The following PRKN variants were observed in gnomAD, a reference collection of about 807,000 sequenced individuals.
The protein encoded by PRKN is E3 ubiquitin-protein ligase parkin.
In PRKN, 56 loss-of-function variants were observed where a neutral mutation model predicts 59.5. That is an observed-to-expected ratio of 0.94 (90% CI 0.76 to 1.18). PRKN has a LOEUF of 1.18. PRKN is among the 50% of genes most tolerant of loss of function. PRKN has a pLI of 0.00. For missense variants in PRKN, 657 were observed against 596.4 expected, an observed-to-expected ratio of 1.10 and a Z score of -1.06; for synonymous variants, 250 against 222.1, an observed-to-expected ratio of 1.13 and a Z score of -1.12.
rs532797981 is a variant in PRKN at position 162,238,331 on chromosome 6, G to A, written c.412+24194C>T. On this transcript the variant is annotated intron_variant, in intron 3 of 11. Transcript: ENST00000366898. Reference sequence around the variant, plus strand: ...AGGCTACACCGTACAGCCCAGGTGTGCAGTAGGCTATACCATCTAGATTTG... The same window carrying A: ...AGGCTACACCGTACAGCCCAGGTGTACAGTAGGCTATACCATCTAGATTTG... Among the ~76,000 whole-genome samples the A allele has an allele frequency of 5.3e-5, 8 of 152,276 alleles. 1 individual carries two copies. The East Asian group carries it at 1.5e-3, about 29-fold the overall frequency.
In PRKN at chr6:162,660,854, A is replaced by G. The variant is rs570009393; in HGVS notation, c.7+66808T>C. Among the ~76,000 whole-genome samples the G allele has an allele frequency of 2.3e-4, 35 of 152,320 alleles. 1 individual carries two copies. In the South Asian group the frequency reaches 4.6e-3, roughly 20 times the overall value. On this transcript the variant is annotated intron_variant, in intron 1 of 11. Coordinates refer to ENST00000366898, the MANE Select transcript of PRKN (RefSeq NM_004562.3). ...TCTTTCTACTGTATTCAACTTGTGT[A>G]GGAGAGTTCAAGTTCCTGGGCTGGG...
intron 9 of PRKN, among the ~76,000 whole-genome samples, chr6:161,482,059 A>C (rs538959263): frequency 6.6e-6 from 1 of 152,330 alleles, no homozygotes; most frequent in East Asian, 1.9e-4. Context: ...TGATGAATTC[A>C]GCAGTCACTT....
chr6:161,986,110 A>G (rs1285769981), intron 5 of PRKN, among the ~76,000 whole-genome samples: 2 of 152,272 alleles, frequency 1.3e-5, no homozygotes, highest in African/African-American at 2.4e-5. Context: ...AGCCCTTTCC[A>G]TGGCAATGAC....
At chr6:161,922,720 CT>C (rs1778830049) in intron 6 of PRKN, among the ~76,000 whole-genome samples, 1 of 152,192 alleles carries the variant, frequency 6.6e-6, no homozygotes, top group Admixed American at 6.5e-5. Context: ...GTAATGAGAT[CT>C]GAATTCTGGA....
At chr6:162,393,777 C>T (rs1787339604) in intron 2 of PRKN, among the ~76,000 whole-genome samples, 1 of 152,146 alleles carries the variant, frequency 6.6e-6, no homozygotes, top group South Asian at 2.1e-4. Context: ...CATCATAACT[C>T]TCACCGGTTT....
At chr6:162,280,753 C>T (rs144138425) in intron 2 of PRKN, among the ~76,000 whole-genome samples, 119 of 143,182 alleles carry the variant, frequency 8.3e-4, no homozygotes, top group African/African-American at 2.7e-3. Flanking sequence ...GTGGAGATGA[C>T]GCCACTGTAT....
chr6:161,863,953 T>C (rs930488880), intron 6 of PRKN, among the ~76,000 whole-genome samples: 3 of 152,216 alleles, frequency 2.0e-5, no homozygotes, highest in Non-Finnish European at 4.4e-5. Flanking sequence ...ACTATTTTAT[T>C]GCTAAAAATG....
chr6:162,687,847 A>C (rs1260653748), intron 1 of PRKN, among the ~76,000 whole-genome samples: 1 of 152,198 alleles, frequency 6.6e-6, no homozygotes, highest in African/African-American at 2.4e-5. Context: ...TGAAGGCAAG[A>C]CTGGCAATTT....
At chr6:162,384,948 GCT>G (rs1786718480) in intron 2 of PRKN, among the ~76,000 whole-genome samples, 1 of 152,000 alleles carries the variant, frequency 6.6e-6, no homozygotes, top group Admixed American at 6.6e-5. Context: ...CCCTTTTGTT[GCT>G]CTGTGTCCCA....
intron 1 of PRKN, among the ~76,000 whole-genome samples, chr6:162,499,439 T>C (rs1172542774): frequency 6.6e-6 from 1 of 152,180 alleles, no homozygotes; most frequent in Non-Finnish European, 1.5e-5. Context: ...CACTAGACTC[T>C]TGCAGGCCGT....
chr6:161,872,942 G>A (rs1439223926), intron 6 of PRKN, among the ~76,000 whole-genome samples: 1 of 148,320 alleles, frequency 6.7e-6, no homozygotes, highest in Admixed American at 6.9e-5. Context: ...ACTGATGGCT[G>A]TAAGACATAC....
intron 1 of PRKN, among the ~76,000 whole-genome samples, chr6:162,661,642 T>C (rs959544007): frequency 6.6e-6 from 1 of 152,176 alleles, no homozygotes; most frequent in Non-Finnish European, 1.5e-5. Context: ...CCTGGAAATC[T>C]TTATTCACCA....
intron 4 of PRKN, among the ~76,000 whole-genome samples, chr6:162,190,824 C>T (rs765409314): frequency 6.6e-4 from 101 of 152,188 alleles, no homozygotes; most frequent in South Asian, 3.5e-3. Context: ...TTTATGTTTC[C>T]CCAGTGAGAT....
chr6:162,515,060 G>A (rs1405967517), intron 1 of PRKN, among the ~76,000 whole-genome samples: 3 of 150,944 alleles, frequency 2.0e-5, no homozygotes, highest in Non-Finnish European at 4.4e-5. Flanking sequence ...ATCCTATTTA[G>A]GAGGCCTTTG....
At chr6:162,268,270 A>G (rs1164963505) in intron 2 of PRKN, among the ~76,000 whole-genome samples, 2 of 152,164 alleles carry the variant, frequency 1.3e-5, no homozygotes, top group Non-Finnish European at 2.9e-5. Context: ...AGCCTCTAGA[A>G]GGTGATTAAA....
intron 7 of PRKN, among the ~76,000 whole-genome samples, chr6:161,763,290 T>C (rs1271311774): frequency 6.6e-6 from 1 of 152,122 alleles, no homozygotes. Flanking sequence ...AGCAGGCAGA[T>C]TGACAGGTGA....
chr6:161,543,818 T>C (rs1404617489), intron 9 of PRKN, among the ~76,000 whole-genome samples: 1 of 152,218 alleles, frequency 6.6e-6, no homozygotes, highest in Non-Finnish European at 1.5e-5. Flanking sequence ...TTGATTGCCA[T>C]AGCTTTCTGC....
At chr6:162,367,965 C>T (rs536546193) in intron 2 of PRKN, among the ~76,000 whole-genome samples, 5 of 152,180 alleles carry the variant, frequency 3.3e-5, no homozygotes, top group African/African-American at 1.2e-4. Context: ...CTCCCAGTCA[C>T]GGAGGAGTGG....
rs545059321 is a variant in PRKN, at chr6:161,753,884, T to C, written c.871+31888A>G. Among the ~76,000 whole-genome samples, 3 of 152,074 alleles carry C rather than the reference T, an allele frequency of 2.0e-5. No individual in the cohort carries two copies. The South Asian group carries it at 6.2e-4, about 32-fold the overall frequency. ...TAAAAAGATGTGTGCAGTGCAGCCA[T>C]GGAGTAAGGGAGGGAGAGCAGAGGA... is the stretch of plus-strand genomic sequence containing the variant. On this transcript the variant is annotated intron_variant, in intron 7 of 11. Transcript: ENST00000366898.
Sources: allele counts gnomAD v4.1 joint callset (sites outside exome capture counted in the v4.1 genomes callset), GRCh38; gene constraint gnomAD v4.1.1; transcripts MANE v1.5; gene names NCBI Gene and HGNC (gene_info 2026-07-23, HGNC 2026-07-21).